Variants in NOSTRIN observed in about 807,000 individuals in gnomAD.
NOSTRIN encodes BM247 homolog.
In NOSTRIN, 63 loss-of-function variants were observed where a neutral mutation model predicts 59.0. That is an observed-to-expected ratio of 1.07 (90% CI 0.87 to 1.32). The LOEUF is 1.32. NOSTRIN is among the 40% of genes most tolerant of loss of function. NOSTRIN has a pLI of 0.00. For missense variants in NOSTRIN, 512 were observed against 473.1 expected (o/e 1.08, Z -0.76); for synonymous variants, 200 against 165.4 (o/e 1.21, Z -1.61).
chr2:168,813,616 A>AG (rs1331195982), intron 2 of NOSTRIN, among the ~76,000 whole-genome samples: 27 of 152,166 alleles, frequency 1.8e-4, no homozygotes, highest in Admixed American at 5.9e-4. Context: ...CTAGAGTGAC[A>AG]AACATATCCA....
intron 8 of NOSTRIN, among the ~76,000 whole-genome samples, chr2:168,849,422 C>G (rs1435404890): frequency 1.3e-5 from 2 of 151,862 alleles, no homozygotes; most frequent in South Asian, 2.1e-4. Context: ...GTGGCATGAT[C>G]TCAGCTCACT....
At chr2:168,800,474 G>A (rs548131972), upstream of NOSTRIN, among the ~76,000 whole-genome samples, 1 of 152,186 alleles carries the variant, frequency 6.6e-6, no homozygotes, top group South Asian at 2.1e-4. Context: ...ATGCCCTGCT[G>A]CCCTTACAAC....
intron 3 of NOSTRIN, among the ~76,000 whole-genome samples, chr2:168,825,995 G>A (rs1477100577): frequency 6.6e-6 from 1 of 152,168 alleles, no homozygotes; most frequent in Non-Finnish European, 1.5e-5. Flanking sequence ...TAGATACACT[G>A]CCCAGGTTTA....
intron 8 of NOSTRIN, among the ~76,000 whole-genome samples, chr2:168,847,406 G>A (rs1688494673): frequency 6.6e-6 from 1 of 152,166 alleles, no homozygotes; most frequent in Non-Finnish European, 1.5e-5. Context: ...AGACCTGGGA[G>A]CCTCTGAATC....
chr2:168,843,366 C>T (rs1688210560), intron 8 of NOSTRIN, among the ~76,000 whole-genome samples: 1 of 152,122 alleles, frequency 6.6e-6, no homozygotes, highest in African/African-American at 2.4e-5. Flanking sequence ...AGGATAGCAC[C>T]CAGCTAACTT....
In NOSTRIN at chr2:168,836,538, A is replaced by T. The variant is rs114600953; in HGVS notation, c.504+2213A>T. 3.8e-3 allele frequency among the ~76,000 whole-genome samples: 580 copies of T among 152,274 alleles called. 6 individuals are homozygous for T. The highest frequency in any genetic ancestry group is 0.013 in the African/African-American group (535 of 41,570). On this transcript the variant is annotated intron_variant, in intron 7 of 15. Coordinates refer to ENST00000317647, the MANE Select transcript of NOSTRIN (RefSeq NM_001039724.4). ...CTCATCTCACATAGAAGCGCTCATG[A>T]TCACCTGAGCTGATGCTCTGTGCTG...
In NOSTRIN at chr2:168,841,852, T is replaced by C. The variant is rs1001167530; in HGVS notation, c.505-1140T>C. ...ATACAGGGGAACTTGTCTATGTTTATGCTTAGGTTTAACAAAATACGGACA... is the reference window on the plus strand; with the variant it reads ...ATACAGGGGAACTTGTCTATGTTTACGCTTAGGTTTAACAAAATACGGACA... On this transcript the variant is annotated intron_variant, in intron 7 of 15. Coordinates refer to ENST00000317647, the MANE Select transcript of NOSTRIN (RefSeq NM_001039724.4). 3.9e-5 allele frequency among the ~76,000 whole-genome samples: 6 copies of C among 152,228 alleles called. No individual in the cohort carries two copies. The East Asian group carries it at 9.6e-4, about 24-fold the overall frequency.
intron 2 of NOSTRIN, among the ~76,000 whole-genome samples, chr2:168,789,498 A>G (rs1023389706): frequency 3.9e-5 from 6 of 152,192 alleles, no homozygotes; most frequent in Admixed American, 2.0e-4. Context: ...ACCTGCCCCA[A>G]TAACTCAATT....
chr2:168,855,466 T>G lies in NOSTRIN; in HGVS notation c.964+6T>G, dbSNP rs749616522. 4 of 1,527,786 alleles carry G rather than the reference T, an allele frequency of 2.6e-6. No homozygotes were observed. The highest frequency in any genetic ancestry group is 2.7e-5 in the African/African-American group (2 of 72,736). The allele number at this position is 1,527,786 out of a possible 1,614,324, so 94.6% of individuals were successfully genotyped here. ...AGCCTCAAAAGACAAGGAAGGTGTG[T>G]AACCATCTCTTTGAATGGCCAGAAA... On this transcript the variant is annotated splice_donor_region_variant and intron_variant, in intron 11 of 15. Coordinates refer to ENST00000317647, the MANE Select transcript of NOSTRIN (RefSeq NM_001039724.4).
chr2:168,803,599 A>G (rs944850590), intron 1 of NOSTRIN, among the ~76,000 whole-genome samples: 1 of 152,234 alleles, frequency 6.6e-6, no homozygotes, highest in Non-Finnish European at 1.5e-5. Flanking sequence ...AAATGGAACT[A>G]TAGTTACTAT....
chr2:168,835,047 TA>T (rs1299759279), intron 7 of NOSTRIN, among the ~76,000 whole-genome samples: 1 of 152,128 alleles, frequency 6.6e-6, no homozygotes, highest in Non-Finnish European at 1.5e-5. Context: ...ATAGTAAATT[TA>T]AATGCATATT....
intron 2 of NOSTRIN, among the ~76,000 whole-genome samples, chr2:168,817,819 T>C (rs1686493899): frequency 6.6e-6 from 1 of 152,208 alleles, no homozygotes; most frequent in South Asian, 2.1e-4. Flanking sequence ...CAATCGATAA[T>C]GCTGCAGTGG....
chr2:168,816,787 G>A (rs1169111985), intron 2 of NOSTRIN, among the ~76,000 whole-genome samples: 2 of 152,152 alleles, frequency 1.3e-5, no homozygotes, highest in Non-Finnish European at 2.9e-5. Flanking sequence ...GAGGGTCTTT[G>A]TGTCCCACGT....
At chr2:168,847,802 CA>C (rs1476224511) in intron 8 of NOSTRIN, among the ~76,000 whole-genome samples, 2 of 152,100 alleles carry the variant, frequency 1.3e-5, no homozygotes, top group African/African-American at 4.8e-5. Context: ...TAATAAAAAG[CA>C]AAAAATCATT....
In NOSTRIN at chr2:168,856,062, C is replaced by A. The variant is rs530516738; in HGVS notation, c.964+602C>A. On this transcript the variant is annotated intron_variant, in intron 11 of 15. Transcript: ENST00000317647. ...TAGAAAACATTTAGTGATGTGAATACCATAACGAGGAAGAAGCCAACGTTG... is the reference window on the plus strand; with the variant it reads ...TAGAAAACATTTAGTGATGTGAATAACATAACGAGGAAGAAGCCAACGTTG... The A allele has an allele frequency of 7.4e-5, 17 of 231,212 alleles. No homozygotes were observed. The South Asian group carries it at 8.1e-4, about 11-fold the overall frequency. The allele number at this position is 231,212 out of a possible 1,614,324, so 14.3% of individuals were successfully genotyped here. A position where few individuals can be genotyped will look rare whatever the true frequency, so the allele number is the denominator to read the frequency against.
chr2:168,856,303 GC>G (rs1689103011), intron 11 of NOSTRIN: 1 of 242,380 alleles, frequency 4.1e-6, no homozygotes, highest in Non-Finnish European at 8.1e-6. Context: ...GTGGCTGGGT[GC>G]TGTGGCTCAC....
chr2:168,822,991 C>G (rs1686838516), intron 2 of NOSTRIN, among the ~76,000 whole-genome samples: 2 of 152,026 alleles, frequency 1.3e-5, no homozygotes, highest in Admixed American at 1.3e-4. Flanking sequence ...GTTTTCTGTT[C>G]CTTACTAGTT....
intron 15 of NOSTRIN, among the ~76,000 whole-genome samples, chr2:168,862,487 TA>T (rs1486618077): frequency 1.3e-5 from 2 of 152,200 alleles, no homozygotes; most frequent in Non-Finnish European, 2.9e-5. Context: ...CCCACCTTTT[TA>T]TTTTTTAGAA....
upstream of NOSTRIN, among the ~76,000 whole-genome samples, chr2:168,793,496 A>G (rs1036786763): frequency 1.3e-5 from 2 of 152,074 alleles, no homozygotes; most frequent in African/African-American, 4.8e-5. Context: ...CTTTAGCTCT[A>G]ACTGCTTGGA....
Sources: gnomAD v4.1 joint callset for allele counts (sites outside exome capture counted in the v4.1 genomes callset) on GRCh38, gnomAD v4.1.1 for gene constraint, MANE v1.5 for transcripts, NCBI Gene and HGNC (gene_info 2026-07-23, HGNC 2026-07-21) for gene names.